Variants in SDK1 observed in about 807,000 individuals in gnomAD.
SDK1 encodes sidekick cell adhesion molecule 1.
In SDK1, 157 loss-of-function variants were observed where a neutral mutation model predicts 245.5. The observed-to-expected ratio is 0.64, with a 90% CI of 0.56 to 0.73. The LOEUF is 0.73. Among genes scored for constraint, SDK1 ranks in the 30% least tolerant of loss-of-function variants. SDK1 has a pLI of 0.00. For missense variants in SDK1, 3,583 were observed against 3,002.3 expected, an observed-to-expected ratio of 1.19 and a Z score of -4.52; for synonymous variants, 1,647 against 1,278.5, an observed-to-expected ratio of 1.29 and a Z score of -6.15.
At chr7:3,935,991 G>A (rs147965908) in intron 5 of SDK1, among the ~76,000 whole-genome samples, 154 of 152,322 alleles carry the variant, frequency 1.0e-3, no homozygotes, top group African/African-American at 3.6e-3. Context: ...AACAATCCAA[G>A]TGTTCATGGA....
intron 1 of SDK1, among the ~76,000 whole-genome samples, chr7:3,415,988 A>C (rs1385479390): frequency 6.6e-6 from 1 of 152,144 alleles, no homozygotes; most frequent in Non-Finnish European, 1.5e-5. Context: ...GAGGCTTGCA[A>C]TTACCAGAGC....
intron 5 of SDK1, among the ~76,000 whole-genome samples, chr7:3,871,733 C>G (rs114114198): frequency 1.3e-5 from 2 of 152,192 alleles, no homozygotes; most frequent in African/African-American, 4.8e-5. Flanking sequence ...ATGACCAACC[C>G]TTTCGTGAGG....
At chr7:3,906,959 G>A (rs1474440570) in intron 5 of SDK1, among the ~76,000 whole-genome samples, 1 of 151,912 alleles carries the variant, frequency 6.6e-6, no homozygotes, top group Admixed American at 6.6e-5. Flanking sequence ...CCTTTCTAGC[G>A]CATGCTGTCT....
chr7:4,015,791 C>T (rs1417393993), intron 16 of SDK1, among the ~76,000 whole-genome samples: 4 of 152,204 alleles, frequency 2.6e-5, no homozygotes, highest in Admixed American at 6.5e-5. Context: ...AGGCAAGAGA[C>T]AGAAGGAGGC....
At chr7:4,251,166 AC>A in intron 44 of SDK1, among the ~76,000 whole-genome samples, 1 of 152,340 alleles carries the variant, frequency 6.6e-6, no homozygotes, top group South Asian at 2.1e-4. Flanking sequence ...GTATGGATAT[AC>A]CACATTTAAA....
chr7:3,875,904 C>T (rs1781064825), intron 5 of SDK1, among the ~76,000 whole-genome samples: 1 of 152,140 alleles, frequency 6.6e-6, no homozygotes, highest in South Asian at 2.1e-4. Context: ...TTAACTCCTA[C>T]CATCAGGGGC....
chr7:3,601,282 T>G (rs1436655954), intron 1 of SDK1, among the ~76,000 whole-genome samples: 1 of 152,188 alleles, frequency 6.6e-6, no homozygotes, highest in African/African-American at 2.4e-5. Flanking sequence ...GACAAAATTA[T>G]GTACATTGGT....
intron 4 of SDK1, among the ~76,000 whole-genome samples, chr7:3,820,413 G>T (rs1180622368): frequency 6.6e-6 from 1 of 152,152 alleles, no homozygotes; most frequent in African/African-American, 2.4e-5. Context: ...CTCCCAAAGT[G>T]CTGGGATCAC....
chr7:4,157,769 C>G (rs12701438), intron 30 of SDK1, among the ~76,000 whole-genome samples: 68,305 of 151,956 alleles, frequency 0.45, 16,481 homozygotes, highest in East Asian at 0.78. Flanking sequence ...TGCCTCCTCT[C>G]CCAGAGCTCG....
chr7:3,471,429 A>C (rs1296389699), intron 1 of SDK1, among the ~76,000 whole-genome samples: 1 of 152,140 alleles, frequency 6.6e-6, no homozygotes, highest in Non-Finnish European at 1.5e-5. Flanking sequence ...TGATATTGTA[A>C]ATTGGGTTAT....
At chr7:4,075,622 G>C (rs1033970937) in intron 20 of SDK1, among the ~76,000 whole-genome samples, 1 of 150,364 alleles carries the variant, frequency 6.7e-6, no homozygotes, top group African/African-American at 2.4e-5. Flanking sequence ...CACGCGGGTT[G>C]ATTGATTCAG....
chr7:3,883,549 C>T (rs998198081), intron 5 of SDK1, among the ~76,000 whole-genome samples: 4 of 152,190 alleles, frequency 2.6e-5, no homozygotes, highest in African/African-American at 9.7e-5. Flanking sequence ...AACCAGGGCA[C>T]ATGGGGACCA....
rs1554266408 is a variant in SDK1 at position 3,403,869 on chromosome 7, A to ATTGT, written c.298+101985_298+101986insTTGT. On this transcript the variant is annotated intron_variant, in intron 1 of 44. Transcript: ENST00000404826. ...TATATATATATATATATATATATAT[A>ATTGT]ATATATATATTTATTTATATTATAT... 4.5e-4 allele frequency among the ~76,000 whole-genome samples: 40 copies of ATTGT among 88,898 alleles called. 2 individuals are homozygous for ATTGT. In the South Asian group the frequency reaches 0.013, roughly 28 times the overall value. The allele number at this position is 88,898 out of a possible 152,430, so 58.3% of individuals were successfully genotyped here. A position where few individuals can be genotyped will look rare whatever the true frequency, so the allele number is the denominator to read the frequency against.
At chr7:3,323,232 C>G (rs1441533487) in intron 1 of SDK1, among the ~76,000 whole-genome samples, 1 of 152,184 alleles carries the variant, frequency 6.6e-6, no homozygotes, top group Non-Finnish European at 1.5e-5. Context: ...AGTCTGTGAA[C>G]TTCAAAAGAC....
chr7:3,691,403 C>A (rs993320428), intron 4 of SDK1, among the ~76,000 whole-genome samples: 1 of 152,078 alleles, frequency 6.6e-6, no homozygotes, highest in African/African-American at 2.4e-5. Context: ...TGTGGAAATA[C>A]AAAGAAAAGA....
chr7:3,868,280 T>G (rs1780869988), intron 5 of SDK1, among the ~76,000 whole-genome samples: 1 of 152,226 alleles, frequency 6.6e-6, no homozygotes, highest in Non-Finnish European at 1.5e-5. Context: ...GCCGCTTAGT[T>G]TATTCCAATG....
At chr7:4,034,661 G>T (rs1267981201) in intron 17 of SDK1, among the ~76,000 whole-genome samples, 1 of 152,128 alleles carries the variant, frequency 6.6e-6, no homozygotes, top group Non-Finnish European at 1.5e-5. Context: ...TCACAAACTC[G>T]ACTTTTAGGA....
chr7:3,813,252 C>G (rs1324055671), intron 4 of SDK1, among the ~76,000 whole-genome samples: 1 of 113,210 alleles, frequency 8.8e-6, no homozygotes, highest in African/African-American at 3.3e-5. Context: ...CCAATGCTAT[C>G]CCTCCCCCCT....
At chr7:3,825,391 A>G (rs188316205) in intron 5 of SDK1, among the ~76,000 whole-genome samples, 196 of 151,158 alleles carry the variant, frequency 1.3e-3, no homozygotes, top group Non-Finnish European at 1.4e-3. Flanking sequence ...GTCATTGTTT[A>G]TACGCCATTG....
Sources: gnomAD v4.1 joint callset for allele counts (sites outside exome capture counted in the v4.1 genomes callset) on GRCh38, gnomAD v4.1.1 for gene constraint, MANE v1.5 for transcripts, NCBI Gene and HGNC (gene_info 2026-07-23, HGNC 2026-07-21) for gene names.